The following TLN2 variants were observed in gnomAD, a reference collection of about 807,000 sequenced individuals.
TLN2 encodes the protein talin-2.
A neutral mutation model predicts 294.7 loss-of-function variants in TLN2; 118 were observed. The observed-to-expected ratio is 0.40, with a 90% confidence interval of 0.34 to 0.47. The LOEUF is 0.47. Among genes scored for constraint, TLN2 ranks in the 20% least tolerant of loss-of-function variants. The pLI is 0.84. For missense variants in TLN2, 3,083 were observed against 3,282.2 expected (o/e 0.94, Z 1.48); for synonymous variants, 1,431 against 1,304.5 (o/e 1.10, Z -2.09).
intron 1 of TLN2, among the ~76,000 whole-genome samples, chr15:62,414,164 C>CTA (rs780803268): frequency 0.17 from 15,540 of 90,494 alleles, 2,290 homozygotes; most frequent in African/African-American, 0.28. Context: ...AAAAAAAAAA[C>CTA]TATATATATA....
intron 1 of TLN2, among the ~76,000 whole-genome samples, chr15:62,485,239 C>G (rs2038325303): frequency 6.6e-6 from 1 of 152,190 alleles, no homozygotes. Flanking sequence ...TCTGCAAAGT[C>G]CATTTTGCCA....
At chr15:62,468,032 CT>C (rs1455335314) in intron 1 of TLN2, among the ~76,000 whole-genome samples, 1 of 152,146 alleles carries the variant, frequency 6.6e-6, no homozygotes, top group Non-Finnish European at 1.5e-5. Flanking sequence ...GGTTGTCTAG[CT>C]TTTAATAATC....
In TLN2 at chr15:62,516,913, A is replaced by T. The variant is rs116021639; in HGVS notation, c.-237-72774A>T. ...GTCCTGAGTTTTATTGGAAAGGTGT[A>T]GGTTGACTGGAGTGGAGGGAGATGT... On this transcript the variant is annotated intron_variant, in intron 1 of 58. Transcript: ENST00000636159. Among the ~76,000 whole-genome samples the T allele has an allele frequency of 4.0e-3, 602 of 152,318 alleles. 5 individuals carry two copies. Among genetic ancestry groups the T allele is most frequent in the African/African-American group, 0.014 (582 of 41,574 alleles).
At chr15:62,538,263 T>C (rs567278892) in intron 1 of TLN2, among the ~76,000 whole-genome samples, 4 of 152,212 alleles carry the variant, frequency 2.6e-5, no homozygotes, top group African/African-American at 9.6e-5. Context: ...CTTTTCTTTG[T>C]TTTTACCAAT....
chr15:62,689,438 G>A (rs942817165), intron 12 of TLN2, among the ~76,000 whole-genome samples: 1 of 152,134 alleles, frequency 6.6e-6, no homozygotes, highest in African/African-American at 2.4e-5. Flanking sequence ...GTGAAGAACC[G>A]TCTATTACAC....
At chr15:62,508,123 A>G (rs570039723) in intron 1 of TLN2, among the ~76,000 whole-genome samples, 7 of 152,274 alleles carry the variant, frequency 4.6e-5, no homozygotes, top group Admixed American at 4.6e-4. Flanking sequence ...GAATGAAGAT[A>G]CCATTTAATC....
intron 1 of TLN2, among the ~76,000 whole-genome samples, chr15:62,510,525 A>C (rs1042525969): frequency 6.6e-6 from 1 of 152,204 alleles, no homozygotes; most frequent in African/African-American, 2.4e-5. Context: ...AGTAAAACAT[A>C]CTACTTTGAG....
At chr15:62,620,274 C>T (rs1463322234) in intron 3 of TLN2, among the ~76,000 whole-genome samples, 6 of 152,044 alleles carry the variant, frequency 3.9e-5, no homozygotes, top group East Asian at 1.9e-4. Flanking sequence ...TAAAAATTTC[C>T]GTGTGCAAAA....
At chr15:62,437,109 A>C (rs923652314) in intron 1 of TLN2, among the ~76,000 whole-genome samples, 11 of 152,198 alleles carry the variant, frequency 7.2e-5, no homozygotes, top group African/African-American at 2.7e-4. Context: ...GGACTTTTTA[A>C]TCACTTTGGC....
chr15:62,509,794 C>T (rs930560901), intron 1 of TLN2, among the ~76,000 whole-genome samples: 1 of 152,186 alleles, frequency 6.6e-6, no homozygotes, highest in Non-Finnish European at 1.5e-5. Context: ...AGCCACCTCC[C>T]ACTTCCCTGC....
intron 15 of TLN2, among the ~76,000 whole-genome samples, chr15:62,698,344 T>G (rs2058496625): frequency 6.6e-6 from 1 of 152,234 alleles, no homozygotes; most frequent in African/African-American, 2.4e-5. Flanking sequence ...TCTGAAAAAG[T>G]ACATTGACCG....
chr15:62,582,246 A>ACACCCC lies in TLN2; in HGVS notation c.-237-7439_-237-7438insCCCCCA, dbSNP rs764248336. On this transcript the variant is annotated intron_variant, in intron 1 of 58. Coordinates refer to ENST00000636159, the MANE Select transcript of TLN2 (RefSeq NM_015059.3). ...CACACACACACACACACACACACAC[A>ACACCCC]CATTCATGCCTGACCCATTCCTGAC... 8.7e-3 allele frequency among the ~76,000 whole-genome samples: 1,193 copies of ACACCCC among 137,276 alleles called. 38 individuals carry two copies. Among genetic ancestry groups the ACACCCC allele is most frequent in the Admixed American group, 0.02 (266 of 13,274 alleles). 90.1% of individuals were successfully genotyped at this position (137,276 alleles called of 152,430 possible).
At chr15:62,531,437 A>G (rs895284204) in intron 1 of TLN2, among the ~76,000 whole-genome samples, 20 of 152,226 alleles carry the variant, frequency 1.3e-4, no homozygotes, top group African/African-American at 4.8e-4. Flanking sequence ...AAAGGGTACG[A>G]AGGCTCAATT....
At chr15:62,526,388 T>TC (rs1418442049) in intron 1 of TLN2, among the ~76,000 whole-genome samples, 2 of 152,192 alleles carry the variant, frequency 1.3e-5, no homozygotes, top group Non-Finnish European at 2.9e-5. Flanking sequence ...TTGGTACACT[T>TC]CCTCTGAATG....
At chr15:62,736,444 A>G (rs1567491293) in intron 28 of TLN2, among the ~76,000 whole-genome samples, 6 of 152,178 alleles carry the variant, frequency 3.9e-5, no homozygotes, top group Admixed American at 3.9e-4. Context: ...ATATGTACCA[A>G]TTCACGGAGC....
chr15:62,777,636 C>T (rs1168828784), intron 43 of TLN2, among the ~76,000 whole-genome samples: 1 of 152,108 alleles, frequency 6.6e-6, no homozygotes. Context: ...CCCCAACCCA[C>T]TCAATTGGGT....
At position 62,508,272 on chromosome 15, in the gene TLN2, A is replaced by G. The variant is rs542342893; in HGVS notation, c.-237-81415A>G. On this transcript the variant is annotated intron_variant, in intron 1 of 58. Coordinates refer to ENST00000636159, the MANE Select transcript of TLN2 (RefSeq NM_015059.3). ...TCTCTTGTCACCCAGGCTGGAGTGC[A>G]GTGGTGTGATCTTGACTCACTGCAA... Among the ~76,000 whole-genome samples, 11 of 152,280 alleles carry G rather than the reference A, an allele frequency of 7.2e-5. No homozygotes were observed. In the South Asian group the frequency reaches 2.3e-3, roughly 32 times the overall value.
At chr15:62,420,014 T>G (rs1175495242) in intron 1 of TLN2, among the ~76,000 whole-genome samples, 1 of 152,216 alleles carries the variant, frequency 6.6e-6, no homozygotes, top group African/African-American at 2.4e-5. Flanking sequence ...CTCTTTGAGA[T>G]TCCCTGTTGA....
chr15:62,798,568 C>A (rs1413345062), intron 48 of TLN2, among the ~76,000 whole-genome samples: 1 of 151,092 alleles, frequency 6.6e-6, no homozygotes, highest in Non-Finnish European at 1.5e-5. Flanking sequence ...AAAAAAAAAA[C>A]CTCTGTTCTC....
Sources: gnomAD v4.1 joint callset for allele counts (sites outside exome capture counted in the v4.1 genomes callset) on GRCh38, gnomAD v4.1.1 for gene constraint, MANE v1.5 for transcripts, NCBI Gene and HGNC (gene_info 2026-07-23, HGNC 2026-07-21) for gene names.